Variants in DNTT observed in about 807,000 individuals in gnomAD.
The protein encoded by DNTT is DNA nucleotidylexotransferase, also known as nucleosidetriphosphate:DNA deoxynucleotidylexotransferase.
DNTT carries 47 observed loss-of-function variants against 60.9 expected under a neutral mutation model. The ratio of observed to expected loss-of-function variants is 0.77; its 90% confidence interval spans 0.61 to 0.98. DNTT has a LOEUF of 0.98. Ranked by LOEUF, DNTT falls within the 50% of genes least tolerant of loss-of-function variation. The pLI is 0.00. For missense variants in DNTT, 665 were observed against 627.5 expected (o/e 1.06, Z -0.64); for synonymous variants, 224 against 221.2 (o/e 1.01, Z -0.11).
At chr10:96,313,094 C>T (rs1175359547) in intron 1 of DNTT, among the ~76,000 whole-genome samples, 2 of 152,142 alleles carry the variant, frequency 1.3e-5, no homozygotes, top group African/African-American at 4.8e-5. Flanking sequence ...GACTGAGGTA[C>T]CAATGCCAGT....
intron 10 of DNTT, among the ~76,000 whole-genome samples, chr10:96,337,029 A>C (rs1368070963): frequency 1.3e-5 from 2 of 152,094 alleles, no homozygotes; most frequent in African/African-American, 2.4e-5. Flanking sequence ...TCTCAGTTAC[A>C]AATGTTAGAA....
chr10:96,321,475 C>T (rs535309352), intron 4 of DNTT, among the ~76,000 whole-genome samples: 53 of 152,168 alleles, frequency 3.5e-4, no homozygotes, highest in African/African-American at 1.1e-3. Flanking sequence ...TTCCCTTTTC[C>T]GGTGGAATGC....
At chr10:96,307,768 TATATA>T (rs1471613406) in intron 1 of DNTT, among the ~76,000 whole-genome samples, 2 of 115,668 alleles carry the variant, frequency 1.7e-5, no homozygotes, top group Non-Finnish European at 3.4e-5. Context: ...CATATATATA[TATATA>T]TATATTTTTT....
At chr10:96,317,090 C>T (rs1844795524) in intron 1 of DNTT, among the ~76,000 whole-genome samples, 2 of 152,174 alleles carry the variant, frequency 1.3e-5, no homozygotes, top group Admixed American at 1.3e-4. Flanking sequence ...TGCTATTGCT[C>T]AGATTTATAG....
intron 1 of DNTT, among the ~76,000 whole-genome samples, chr10:96,310,510 C>A (rs548767654): frequency 6.6e-6 from 1 of 152,230 alleles, no homozygotes; most frequent in Non-Finnish European, 1.5e-5. Context: ...TTCCCTACCA[C>A]CTTGAGTGCC....
intron 6 of DNTT, among the ~76,000 whole-genome samples, chr10:96,326,906 A>G (rs1352508447): frequency 1.3e-5 from 2 of 152,046 alleles, no homozygotes; most frequent in African/African-American, 4.8e-5. Context: ...CTCCCTCCAC[A>G]CTGCTCTGTG....
At chr10:96,309,942 C>T (rs1844690098) in intron 1 of DNTT, among the ~76,000 whole-genome samples, 1 of 152,220 alleles carries the variant, frequency 6.6e-6, no homozygotes, top group Non-Finnish European at 1.5e-5. Flanking sequence ...TCTAACCATC[C>T]AGAACTGTCT....
chr10:96,306,466 A>T (rs570040006), intron 1 of DNTT: 2 of 152,344 alleles, frequency 1.3e-5, no homozygotes, highest in South Asian at 4.1e-4. Context: ...AAGAAATTTG[A>T]CAAGGGTTAG....
chr10:96,335,302 T>C (rs1254989225), intron 9 of DNTT, among the ~76,000 whole-genome samples: 1 of 152,196 alleles, frequency 6.6e-6, no homozygotes, highest in Admixed American at 6.5e-5. Context: ...CCAGGAGCAG[T>C]TGACTTAGAC....
chr10:96,307,343 G>GTTGTTTTTTTTTTTTTTT (rs1844650391), intron 1 of DNTT, among the ~76,000 whole-genome samples: 3 of 67,604 alleles, frequency 4.4e-5, no homozygotes, highest in Admixed American at 2.1e-4. Flanking sequence ...GGGTTTTCCA[G>GTTGTTTTTTTTTTTTTTT]TTTTTTTTTT....
In DNTT at chr10:96,328,615, A is replaced by G. The variant is rs1395594905; in HGVS notation, c.1008-110A>G. On this transcript the variant is annotated intron_variant, in intron 7 of 10. Coordinates refer to ENST00000371174, the MANE Select transcript of DNTT (RefSeq NM_004088.4). Reference sequence around the variant, plus strand: ...TTTGTTTCTTAAAAAAAAGTCAAGAACCTTCTATGTTGCAAATCTTAAGCA... The same window carrying G: ...TTTGTTTCTTAAAAAAAAGTCAAGAGCCTTCTATGTTGCAAATCTTAAGCA... 9 of 1,036,086 alleles carry G rather than the reference A, an allele frequency of 8.7e-6. No individual in the cohort carries two copies. In the East Asian group the frequency reaches 1.7e-4, roughly 20 times the overall value. 64.2% of individuals were successfully genotyped at this position (1,036,086 alleles called of 1,614,324 possible). A position where few individuals can be genotyped will look rare whatever the true frequency, so the allele number is the denominator to read the frequency against.
chr10:96,338,394 G>C lies in DNTT; in HGVS notation c.*170G>C. The C allele has an allele frequency of 1.7e-6, 1 of 576,276 alleles. No individual in the cohort carries two copies. Among genetic ancestry groups the C allele is most frequent in the South Asian group, 2.3e-5 (1 of 43,292 alleles). 35.7% of individuals were successfully genotyped at this position (576,276 alleles called of 1,614,324 possible). ...ACATGGGAAGGTGCCACTGGTAATG[G>C]GTAAGGTTCTAATAGGCCATGTTTA... On this transcript the variant is annotated 3_prime_UTR_variant, in exon 11 of 11. Transcript: ENST00000371174.
chr10:96,318,367 C>G lies in DNTT; in HGVS notation c.219C>G (p.His73Gln). The G allele has an allele frequency of 6.2e-7, 1 of 1,612,010 alleles. No individual in the cohort carries two copies. Among genetic ancestry groups the G allele is most frequent in the Non-Finnish European group, 8.5e-7 (1 of 1,178,888 alleles). Residue 73 changes from histidine (H) to glutamine (Q), a missense_variant, in exon 2 of 11, where the codon CAC becomes CAG. Transcript: ENST00000371174. ...CATTTTGCAGTGATTCTGTCACCCA[C>G]ATCGTAGCAGAGAACAACTCGGGTT... ...VENELSDSVT[H>Q]IVAENNSGSD...
chr10:96,333,078 G>A (rs1018095168), intron 9 of DNTT, among the ~76,000 whole-genome samples: 2 of 151,970 alleles, frequency 1.3e-5, no homozygotes, highest in African/African-American at 4.8e-5. Flanking sequence ...ATCACATAAG[G>A]GCCATTATCC....
chr10:96,326,466 C>A (rs544026118), intron 6 of DNTT, among the ~76,000 whole-genome samples: 9 of 152,242 alleles, frequency 5.9e-5, no homozygotes, highest in Non-Finnish European at 1.3e-4. Context: ...CCGTGACTGT[C>A]CCCATTAGAG....
At position 96,304,572 on chromosome 10, in the gene DNTT, C is replaced by T. The variant is rs188914324; in HGVS notation, c.75C>T (p.Ser25=). Residue 25 remains serine (S), a synonymous_variant, in exon 1 of 11, where the codon TCC becomes TCT. Transcript: ENST00000371174. ...RPRQTGALMA[S]SPQDIKFQDL... ...GGCAGACGGGTGCCTTGATGGCCTC[C>T]TCTCCTCAAGACATCAAATTTCAAG... 3.7e-6 allele frequency: 6 copies of T among 1,614,140 alleles called. No individual in the cohort carries two copies. The African/African-American group carries it at 8.0e-5, about 22-fold the overall frequency.
At chr10:96,321,078 G>A (rs1444313313) in intron 4 of DNTT, among the ~76,000 whole-genome samples, 2 of 152,100 alleles carry the variant, frequency 1.3e-5, no homozygotes, top group East Asian at 1.9e-4. Context: ...AGGTGTCAGA[G>A]TTACCGATAG....
intron 1 of DNTT, among the ~76,000 whole-genome samples, 200 bp downstream of exon 1, chr10:96,304,900 T>C (rs1844616093): frequency 6.6e-6 from 1 of 152,188 alleles, no homozygotes; most frequent in South Asian, 2.1e-4. Context: ...TTGAAACTAG[T>C]TGACACCAAA....
At chr10:96,320,938 G>GTCTC (rs57273993) in intron 4 of DNTT, 150 bp downstream of exon 4, 20 of 548,996 alleles carry the variant, frequency 3.6e-5, no homozygotes, top group Admixed American at 1.6e-4. Context: ...TCTCTCCTCT[G>GTCTC]TCTCTCTCTC....
Sources: allele counts gnomAD v4.1 joint callset (sites outside exome capture counted in the v4.1 genomes callset), GRCh38; gene constraint gnomAD v4.1.1; transcripts MANE v1.5; gene names NCBI Gene and HGNC (gene_info 2026-07-23, HGNC 2026-07-21).